KCNIP4: variants seen among roughly 807,000 people sequenced by gnomAD.
KCNIP4 encodes potassium voltage-gated channel interacting protein 4, also known as Kv channel-interacting protein 4.
Under a neutral mutation model 34.0 loss-of-function variants are expected in KCNIP4, and 12 were observed. The ratio of observed to expected loss-of-function variants is 0.35; its 90% CI spans 0.23 to 0.57. KCNIP4 has a LOEUF of 0.57. Ranked by LOEUF, KCNIP4 falls within the 20% of genes least tolerant of loss-of-function variation. The pLI, the probability that KCNIP4 is intolerant of heterozygous loss-of-function variation, is 0.83. For missense variants in KCNIP4, 238 were observed against 311.7 expected (o/e 0.76, Z 1.78); for synonymous variants, 124 against 102.2 (o/e 1.21, Z -1.29).
At chr4:21,049,744 C>T (rs1004075973) in intron 1 of KCNIP4, among the ~76,000 whole-genome samples, 3 of 152,192 alleles carry the variant, frequency 2.0e-5, no homozygotes, top group Non-Finnish European at 2.9e-5. Context: ...TTCCAGGACA[C>T]ATTCTCAGTG....
intron 1 of KCNIP4, among the ~76,000 whole-genome samples, chr4:21,504,512 G>GC: frequency 7.7e-6 from 1 of 129,378 alleles, no homozygotes; most frequent in African/African-American, 2.8e-5. Flanking sequence ...AGAAAGGAAG[G>GC]AAGGAAGAAA....
chr4:21,504,471 A>AAAAAAAAAAAAAAAAGAAAG (rs1733641647), intron 1 of KCNIP4, among the ~76,000 whole-genome samples: 1 of 112,104 alleles, frequency 8.9e-6, no homozygotes, highest in African/African-American at 4.0e-5. Context: ...AACTCAAAAA[A>AAAAAAAAAAAAAAAAGAAAG]AAAAAAAGAA....
At chr4:21,646,163 A>C (rs1205370546) in intron 1 of KCNIP4, among the ~76,000 whole-genome samples, 6 of 152,132 alleles carry the variant, frequency 3.9e-5, no homozygotes. Context: ...TCTTGTCCCA[A>C]GTAAAGCCTA....
intron 1 of KCNIP4, among the ~76,000 whole-genome samples, chr4:21,073,098 C>A (rs1400339738): frequency 6.6e-6 from 1 of 152,184 alleles, no homozygotes; most frequent in African/African-American, 2.4e-5. Context: ...CAGTTTTGTT[C>A]TTTTGGCTTA....
intron 4 of KCNIP4, among the ~76,000 whole-genome samples, chr4:20,750,354 C>T (rs1474039775): frequency 2.0e-5 from 3 of 152,002 alleles, no homozygotes; most frequent in African/African-American, 7.2e-5. Flanking sequence ...GGATTGGGGT[C>T]ATTGGTGACT....
intron 1 of KCNIP4, among the ~76,000 whole-genome samples, chr4:21,341,637 T>G (rs1350320852): frequency 1.3e-5 from 2 of 152,146 alleles, no homozygotes; most frequent in African/African-American, 4.8e-5. Context: ...TATGACATGA[T>G]GACAATATCT....
At chr4:21,178,712 T>G in intron 1 of KCNIP4, among the ~76,000 whole-genome samples, 1 of 152,086 alleles carries the variant, frequency 6.6e-6, no homozygotes, top group East Asian at 1.9e-4. Context: ...TCGTCAGCCA[T>G]ATTTCTAACA....
intron 1 of KCNIP4, among the ~76,000 whole-genome samples, chr4:21,584,594 C>T (rs1224795480): frequency 6.6e-6 from 1 of 152,000 alleles, no homozygotes; most frequent in African/African-American, 2.4e-5. Flanking sequence ...TATTACTAAT[C>T]CTCAAAATAA....
intron 3 of KCNIP4, among the ~76,000 whole-genome samples, chr4:20,809,108 C>G (rs1010759495): frequency 6.6e-6 from 1 of 152,192 alleles, no homozygotes; most frequent in African/African-American, 2.4e-5. Flanking sequence ...TCTGGCACAG[C>G]TATCGGAGAC....
chr4:21,033,475 C>CGGTCTA (rs950151782), intron 1 of KCNIP4, among the ~76,000 whole-genome samples: 1 of 152,172 alleles, frequency 6.6e-6, no homozygotes, highest in African/African-American at 2.4e-5. Flanking sequence ...AAATATCCAT[C>CGGTCTA]GGTCTATTGC....
At chr4:20,774,129 G>T (rs1010390624) in intron 3 of KCNIP4, among the ~76,000 whole-genome samples, 6 of 152,194 alleles carry the variant, frequency 3.9e-5, no homozygotes, top group Non-Finnish European at 8.8e-5. Flanking sequence ...ACAATGTCTA[G>T]CGTCGTGCCT....
chr4:21,011,604 C>T (rs1227883940), intron 1 of KCNIP4, among the ~76,000 whole-genome samples: 1 of 152,166 alleles, frequency 6.6e-6, no homozygotes, highest in Non-Finnish European at 1.5e-5. Flanking sequence ...TATGTGACTA[C>T]TGATTGCTTC....
At chr4:21,940,636 T>C (rs1215597344) in intron 1 of KCNIP4, among the ~76,000 whole-genome samples, 1 of 152,128 alleles carries the variant, frequency 6.6e-6, no homozygotes, top group Non-Finnish European at 1.5e-5. Flanking sequence ...TACAGGATCT[T>C]TATAAGCTAC....
chr4:21,144,316 C>A (rs970493598), intron 1 of KCNIP4, among the ~76,000 whole-genome samples: 4 of 152,068 alleles, frequency 2.6e-5, no homozygotes, highest in African/African-American at 9.7e-5. Flanking sequence ...TATTTTATAT[C>A]TGTATAAGAG....
intron 1 of KCNIP4, among the ~76,000 whole-genome samples, chr4:21,219,230 G>A (rs1287411031): frequency 6.6e-6 from 1 of 152,100 alleles, no homozygotes; most frequent in African/African-American, 2.4e-5. Context: ...TGAAAGGTAA[G>A]CTGACCCTGC....
intron 1 of KCNIP4, among the ~76,000 whole-genome samples, chr4:21,323,716 G>A (rs760169849): frequency 8.6e-5 from 13 of 151,930 alleles, no homozygotes; most frequent in Admixed American, 3.3e-4. Flanking sequence ...ATAGTGCTGC[G>A]AAAAATATGG....
At chr4:21,767,825 G>A (rs1379636644) in intron 1 of KCNIP4, among the ~76,000 whole-genome samples, 2 of 151,886 alleles carry the variant, frequency 1.3e-5, no homozygotes, top group African/African-American at 4.8e-5. Context: ...AAGTGCCAAA[G>A]CAACCAAACT....
intron 1 of KCNIP4, chr4:21,849,272 A>G (rs893459249): frequency 2.6e-5 from 4 of 152,160 alleles, no homozygotes; most frequent in African/African-American, 4.8e-5. Flanking sequence ...GCTTATGGCA[A>G]TATCAATTAT....
chr4:20,915,964 A>C (rs1728769837), intron 1 of KCNIP4, among the ~76,000 whole-genome samples: 1 of 152,162 alleles, frequency 6.6e-6, no homozygotes. Flanking sequence ...TTCAAACTGC[A>C]TTCTTACACT....
Sources: gnomAD v4.1 joint callset for allele counts (sites outside exome capture counted in the v4.1 genomes callset) on GRCh38, gnomAD v4.1.1 for gene constraint, MANE v1.5 for transcripts, NCBI Gene and HGNC (gene_info 2026-07-23, HGNC 2026-07-21) for gene names.